The following SLC9A8 variants were observed in gnomAD, a reference collection of about 807,000 sequenced individuals.
The protein encoded by SLC9A8 is sodium/hydrogen exchanger 8.
SLC9A8 carries 48 observed loss-of-function variants against 66.6 expected under a neutral mutation model. That is an observed-to-expected ratio of 0.72 (90% CI 0.57 to 0.92). The LOEUF is 0.92. SLC9A8 is among the 40% of genes least tolerant of loss of function. The pLI, the probability that SLC9A8 is intolerant of heterozygous loss-of-function variation, is 0.00. For missense variants in SLC9A8, 599 were observed against 747.3 expected (o/e 0.80, Z 2.31); for synonymous variants, 274 against 282.6 (o/e 0.97, Z 0.31).
chr20:49,879,900 TG>T (rs1445832892), intron 12 of SLC9A8, among the ~76,000 whole-genome samples: 3 of 152,132 alleles, frequency 2.0e-5, no homozygotes, highest in Non-Finnish European at 4.4e-5. Context: ...CAAGTAGTTA[TG>T]GTGAGAACCA....
intron 12 of SLC9A8, among the ~76,000 whole-genome samples, chr20:49,880,388 G>A (rs1053062184): frequency 6.6e-6 from 1 of 152,302 alleles, no homozygotes; most frequent in Non-Finnish European, 1.5e-5. Context: ...CGGGGCATGT[G>A]GCCTCCTGAT....
intron 8 of SLC9A8, among the ~76,000 whole-genome samples, chr20:49,857,190 C>G (rs1600737144): frequency 1.3e-5 from 2 of 152,260 alleles, no homozygotes; most frequent in East Asian, 3.9e-4. Flanking sequence ...GAGAAAAGAG[C>G]CCCGGATAAT....
chr20:49,887,834 G>A lies in SLC9A8; in HGVS notation c.1644G>A (p.Leu548=). The change falls in exon 16 of 16, where the codon CTG becomes CTA. Residue 548 remains leucine (L), a synonymous_variant. Coordinates refer to ENST00000361573, the MANE Select transcript of SLC9A8 (RefSeq NM_015266.3). The part of the protein sequence containing the change: ...FFTRRLTQED[L]HHGRIQMKTL... ...GGTTGTGTCTCTCGACCCAGGACCTGCACCACGGGCGCATCCAGATGAAAA... is the reference window on the plus strand; with the variant it reads ...GGTTGTGTCTCTCGACCCAGGACCTACACCACGGGCGCATCCAGATGAAAA... 1 of 1,604,794 alleles carries A rather than the reference G, an allele frequency of 6.2e-7. No homozygotes were observed. The highest frequency in any genetic ancestry group is 8.5e-7 in the Non-Finnish European group (1 of 1,174,702).
rs766763544 is a variant in SLC9A8 at position 49,874,750 on chromosome 20, C to T, written c.1004C>T (p.Thr335Met). Reference protein sequence around the residue: ...LFSGIVMSHYTHHNLSPVTQI... With the variant: ...LFSGIVMSHYMHHNLSPVTQI... ...TCAGGCATCGTGATGTCCCACTACA[C>T]GCACCATAACCTCTCCCCAGTCACC... Residue 335 changes from threonine to methionine, a missense_variant, in exon 11 of 16, where the codon ACG becomes ATG. Thr to Met is a moderately conservative substitution (Grantham distance 81). Around this residue, in one of 2 missense-constraint regions of SLC9A8, gnomAD observed 467 missense variants for 626.5 expected, o/e 0.75. Transcript: ENST00000361573. 5 of 1,613,860 alleles carry T rather than the reference C, an allele frequency of 3.1e-6. No individual in the cohort carries two copies. Among genetic ancestry groups the T allele is most frequent in the African/African-American group, 2.7e-5 (2 of 75,040 alleles).
At chr20:49,854,502 T>TCCCACA (rs1044900443) in intron 7 of SLC9A8, among the ~76,000 whole-genome samples, 2 of 151,938 alleles carry the variant, frequency 1.3e-5, no homozygotes, top group Non-Finnish European at 2.9e-5. Flanking sequence ...TCTAAGTGGC[T>TCCCACA]CCCACACCCA....
At position 49,887,854 on chromosome 20, in the gene SLC9A8, T is replaced by C. The variant is rs770735099; in HGVS notation, c.1664T>C (p.Met555Thr). ...GACCTGCACCACGGGCGCATCCAGATGAAAACTCTCACCAACAAGTGGTAC... is the reference window on the plus strand; with the variant it reads ...GACCTGCACCACGGGCGCATCCAGACGAAAACTCTCACCAACAAGTGGTAC... Reference protein sequence around the residue: ...QEDLHHGRIQMKTLTNKWYEE... With the variant: ...QEDLHHGRIQTKTLTNKWYEE... The change falls in exon 16 of 16, where the codon ATG becomes ACG. Residue 555 changes from methionine to threonine, a missense_variant. By Grantham distance (81) the Met-to-Thr change is moderately conservative (BLOSUM62 -1). Around this residue, in one of 2 missense-constraint regions of SLC9A8, gnomAD observed 467 missense variants for 626.5 expected, o/e 0.75. Transcript: ENST00000361573. 4 of 1,612,096 alleles carry C rather than the reference T, an allele frequency of 2.5e-6. No homozygotes were observed. The highest frequency in any genetic ancestry group is 3.4e-6 in the Non-Finnish European group (4 of 1,178,944).
rs186875094 is a variant in SLC9A8 at position 49,820,561 on chromosome 20, T to G, written c.209-2500T>G. Among the ~76,000 whole-genome samples the G allele has an allele frequency of 4.0e-3, 614 of 151,980 alleles. 6 individuals carry two copies. The highest frequency in any genetic ancestry group is 0.014 in the African/African-American group (585 of 41,502). Reference sequence around the variant, plus strand: ...TTGTATTTTTGTTTTGTTTTGTTTTTTTTGAGATGGAATCTTGCTCTGTCT... The same window carrying G: ...TTGTATTTTTGTTTTGTTTTGTTTTGTTTGAGATGGAATCTTGCTCTGTCT... On this transcript the variant is annotated intron_variant, in intron 2 of 15. Coordinates refer to ENST00000361573, the MANE Select transcript of SLC9A8 (RefSeq NM_015266.3).
chr20:49,887,038 C>A (rs2089918048), intron 15 of SLC9A8, 140 bp downstream of exon 15: 2 of 867,972 alleles, frequency 2.3e-6, no homozygotes, highest in Non-Finnish European at 3.5e-6. Flanking sequence ...GCCTCCCGAT[C>A]TGGAGGCTGG....
At chr20:49,875,288 A>AG (rs1555844881) in intron 11 of SLC9A8, among the ~76,000 whole-genome samples, 4 of 151,872 alleles carry the variant, frequency 2.6e-5, no homozygotes, top group Non-Finnish European at 4.4e-5. Flanking sequence ...AAAAAAAAAA[A>AG]AAAGAAAGAA....
chr20:49,815,283 G>A, intron 2 of SLC9A8, 94 bp downstream of exon 2: 1 of 1,102,576 alleles, frequency 9.1e-7, no homozygotes, highest in Non-Finnish European at 1.2e-6. Flanking sequence ...TGACTGTCAA[G>A]TCTTCCTCCC....
chr20:49,823,002 G>A (rs1178086063), intron 2 of SLC9A8, 59 bp from the exon 3 acceptor site: 1 of 1,397,982 alleles, frequency 7.2e-7, no homozygotes, highest in Non-Finnish European at 1.0e-6. Flanking sequence ...TGAACTTGGT[G>A]TTTATCATTC....
At chr20:49,864,633 A>T in intron 9 of SLC9A8, 106 bp from the exon 10 acceptor site, 1 of 749,426 alleles carries the variant, frequency 1.3e-6, no homozygotes, top group South Asian at 1.6e-5. Context: ...TCTAAAATCT[A>T]TATCTGTTGT....
chr20:49,825,844 C>T (rs2086895488), intron 3 of SLC9A8, among the ~76,000 whole-genome samples: 1 of 152,190 alleles, frequency 6.6e-6, no homozygotes, highest in Non-Finnish European at 1.5e-5. Flanking sequence ...TACTCTGATC[C>T]GTTCTCAGAC....
At chr20:49,830,994 T>C in intron 3 of SLC9A8, 1 of 752,040 alleles carries the variant, frequency 1.3e-6, no homozygotes, top group South Asian at 1.3e-5. Flanking sequence ...CTGACTCCCA[T>C]GGCAGCTGCA....
At chr20:49,838,265 G>A (rs1026309047) in intron 3 of SLC9A8, among the ~76,000 whole-genome samples, 8 of 152,080 alleles carry the variant, frequency 5.3e-5, no homozygotes, top group African/African-American at 1.4e-4. Flanking sequence ...CATAGTATCC[G>A]CATACTATTT....
intron 6 of SLC9A8, among the ~76,000 whole-genome samples, chr20:49,850,163 C>T (rs2088185933): frequency 6.6e-6 from 1 of 152,188 alleles, no homozygotes; most frequent in Non-Finnish European, 1.5e-5. Flanking sequence ...AAGCTGTCTA[C>T]CTGTAGAATT....
chr20:49,858,747 C>G (rs2088609336), intron 8 of SLC9A8, among the ~76,000 whole-genome samples: 1 of 151,922 alleles, frequency 6.6e-6, no homozygotes, highest in Non-Finnish European at 1.5e-5. Flanking sequence ...CACCTGAGGT[C>G]AGGAGTTTGA....
intron 7 of SLC9A8, among the ~76,000 whole-genome samples, chr20:49,853,214 GC>G (rs947784289): frequency 1.8e-4 from 27 of 152,366 alleles, no homozygotes; most frequent in Non-Finnish European, 1.5e-4. Context: ...CATGATCACA[GC>G]TCGCTGTAGC....
chr20:49,819,965 C>T (rs747237885), intron 2 of SLC9A8, among the ~76,000 whole-genome samples: 1 of 152,104 alleles, frequency 6.6e-6, no homozygotes, highest in East Asian at 1.9e-4. Context: ...ATTGTTTCTA[C>T]CTTTTGGCTG....
Sources: allele counts gnomAD v4.1 joint callset (sites outside exome capture counted in the v4.1 genomes callset), GRCh38; gene constraint gnomAD v4.1.1; regional missense constraint gnomAD v4.1.1; transcripts MANE v1.5; gene names NCBI Gene and HGNC (gene_info 2026-07-23, HGNC 2026-07-21).